The following SULT6B1 variants were observed in gnomAD, a reference collection of about 807,000 sequenced individuals.
SULT6B1 encodes sulfotransferase family 6B member 1.
Under a neutral mutation model 37.2 loss-of-function variants are expected in SULT6B1, and 44 were observed. That is an observed-to-expected ratio of 1.18 (90% confidence interval 0.93 to 1.52). SULT6B1 has a LOEUF of 1.52. SULT6B1 is among the 40% of genes most tolerant of loss of function. SULT6B1 has a pLI of 0.00. For missense variants in SULT6B1, 450 were observed against 361.0 expected, an observed-to-expected ratio of 1.25 and a Z score of -2.00; for synonymous variants, 140 against 126.0, an observed-to-expected ratio of 1.11 and a Z score of -0.74.
intron 2 of SULT6B1, among the ~76,000 whole-genome samples, 193 bp downstream of exon 2, chr2:37,187,162 T>C (rs1676691488): frequency 6.6e-6 from 1 of 152,240 alleles, no homozygotes; most frequent in East Asian, 1.9e-4. Flanking sequence ...TTCTATCTTT[T>C]GTGAAATGGT....
At chr2:37,168,174 G>C (rs527422673) in intron 6 of SULT6B1, 109 bp from the exon 7 acceptor site, 1 of 1,139,384 alleles carries the variant, frequency 8.8e-7, no homozygotes, top group African/African-American at 1.6e-5. Context: ...TGGACACATG[G>C]AAAAAAGCTT....
At chr2:37,188,141 C>G (rs1338555286) in intron 1 of SULT6B1, among the ~76,000 whole-genome samples, 2 of 152,222 alleles carry the variant, frequency 1.3e-5, no homozygotes, top group Non-Finnish European at 2.9e-5. Context: ...TCCTTGCCAA[C>G]TGGACTTTCC....
At position 37,175,159 on chromosome 2, in the gene SULT6B1, C is replaced by T. The variant is rs754526122; in HGVS notation, c.597G>A (p.Lys199=). 3 of 1,555,252 alleles carry T rather than the reference C, an allele frequency of 1.9e-6. No homozygotes were observed. Among genetic ancestry groups the T allele is most frequent in the Non-Finnish European group, 2.6e-6 (3 of 1,148,978 alleles). The change falls in exon 5 of 7, where the codon AAG becomes AAA. Residue 199 remains lysine (K), a synonymous_variant. Transcript: ENST00000535679. ...CTTTCAGGTCTTCATATAATATGAA[C>T]TTAACATTGTCGCCATCAAGATGTT... is the stretch of plus-strand genomic sequence containing the variant. ...WNKHLDGDNV[K]FILYEDLKEN... is the part of the protein sequence containing the mutation.
Position 37,183,471 on chromosome 2 carries a change from A to G in SULT6B1, c.356T>C (p.Leu119Pro). The change falls in exon 3 of 7, where the codon CTC becomes CCC. Residue 119 changes from leucine to proline, a missense_variant. Physicochemically the swap from Leu to Pro is moderately conservative, Grantham distance 98. Coordinates refer to ENST00000535679, the MANE Select transcript of SULT6B1 (RefSeq NM_001367551.1). The stretch of plus-strand genomic sequence containing the variant: ...AGACCCAGGTAATTTGTCATAGTGG[A>G]GGTGAGTTGCCAAAATCCTTGGTGA... ...FPSPRILATH[L>P]HYDKLPGSIF... 1 of 1,614,158 alleles carries G rather than the reference A, an allele frequency of 6.2e-7. No individual in the cohort carries two copies. Among genetic ancestry groups the G allele is most frequent in the Non-Finnish European group, 8.5e-7 (1 of 1,179,996 alleles).
At chr2:37,177,321 A>G (rs1676451134) in intron 4 of SULT6B1, among the ~76,000 whole-genome samples, 1 of 146,780 alleles carries the variant, frequency 6.8e-6, no homozygotes, top group Admixed American at 7.0e-5. Context: ...GCTACTTAGG[A>G]GGCTGAGGAC....
intron 3 of SULT6B1, among the ~76,000 whole-genome samples, chr2:37,182,506 T>A (rs1218695301): frequency 1.3e-5 from 2 of 152,272 alleles, no homozygotes; most frequent in African/African-American, 4.8e-5. Flanking sequence ...ACCTAATATT[T>A]TTTGTAGAGA....
upstream of SULT6B1, among the ~76,000 whole-genome samples, chr2:37,193,332 C>T (rs1044821774): frequency 3.4e-5 from 5 of 148,476 alleles, no homozygotes; most frequent in African/African-American, 5.0e-5. Context: ...TGTGGCGGTG[C>T]GTGCCTGTAG....
intron 3 of SULT6B1, among the ~76,000 whole-genome samples, chr2:37,180,844 A>T (rs1288986081): frequency 6.6e-6 from 1 of 152,158 alleles, no homozygotes; most frequent in African/African-American, 2.4e-5. Flanking sequence ...AGATTGTGCC[A>T]TTTCACTGCA....
chr2:37,192,668 C>A (rs973246449), upstream of SULT6B1, among the ~76,000 whole-genome samples: 3 of 152,190 alleles, frequency 2.0e-5, no homozygotes, highest in Non-Finnish European at 4.4e-5. Context: ...TACAAAAAGT[C>A]TTTGTTTCCC....
intron 1 of SULT6B1, chr2:37,194,605 G>C: frequency 2.8e-6 from 1 of 360,490 alleles, no homozygotes; most frequent in Non-Finnish European, 5.4e-6. Flanking sequence ...ATCTCTTTGA[G>C]TGCCTGAGGG....
At chr2:37,169,956 A>G (rs1484837264) in intron 6 of SULT6B1, among the ~76,000 whole-genome samples, 1 of 152,188 alleles carries the variant, frequency 6.6e-6, no homozygotes, top group East Asian at 1.9e-4. Context: ...GGCAATCCTT[A>G]AGCTATATTA....
At chr2:37,178,183 T>C (rs1676471356) in intron 4 of SULT6B1, among the ~76,000 whole-genome samples, 1 of 152,152 alleles carries the variant, frequency 6.6e-6, no homozygotes, top group Non-Finnish European at 1.5e-5. Context: ...TAGCTGAGAT[T>C]ACAGGCATGA....
At chr2:37,176,746 T>C (rs1386841448) in intron 4 of SULT6B1, among the ~76,000 whole-genome samples, 1 of 152,144 alleles carries the variant, frequency 6.6e-6, no homozygotes, top group African/African-American at 2.4e-5. Flanking sequence ...TATTTGGGTC[T>C]AAGCTGATCA....
At chr2:37,178,334 C>T (rs1676475182) in intron 4 of SULT6B1, among the ~76,000 whole-genome samples, 1 of 152,172 alleles carries the variant, frequency 6.6e-6, no homozygotes, top group African/African-American at 2.4e-5. Context: ...GCCTCCTGTT[C>T]ATGCAAGTCT....
Position 37,179,523 on chromosome 2 carries a change from T to C in SULT6B1, c.464A>G (p.Asp155Gly), listed in dbSNP as rs1178127396. The C allele has an allele frequency of 1.9e-6, 3 of 1,614,026 alleles. No individual in the cohort carries two copies. Among genetic ancestry groups the C allele is most frequent in the Middle Eastern group, 1.6e-4 (1 of 6,062 alleles). Reference sequence around the variant, plus strand: ...GCCATAGCTTGGAATATCGGGGACATCGTTGTGGAAATGCAAAAAAGATAC... The same window carrying C: ...GCCATAGCTTGGAATATCGGGGACACCGTTGTGGAAATGCAAAAAAGATAC... Reference protein sequence around the residue: ...TAVSFLHFHNDVPDIPSYGSW... With the variant: ...TAVSFLHFHNGVPDIPSYGSW... Residue 155 changes from aspartate to glycine, a missense_variant, in exon 4 of 7, where the codon GAT (aspartate) becomes GGT (glycine). Transcript: ENST00000535679.
At position 37,173,027 on chromosome 2, in the gene SULT6B1, ATT is replaced by A. The variant is rs1268747523; in HGVS notation, c.625-1439_625-1438del. 3.3e-5 allele frequency among the ~76,000 whole-genome samples: 5 copies of A among 150,548 alleles called. No homozygotes were observed. In the South Asian group the frequency reaches 1.1e-3, roughly 32 times the overall value. ...ACCACCACACCCAGCTAATTTTTGT[ATT>A]TTTAGTAGAGACGGGGTTTCACTGT... On this transcript the variant is annotated intron_variant, in intron 5 of 6. Coordinates refer to ENST00000535679, the MANE Select transcript of SULT6B1 (RefSeq NM_001367551.1).
At chr2:37,187,547 T>TA in intron 1 of SULT6B1, 80 bp from the exon 2 acceptor site, 1 of 774,526 alleles carries the variant, frequency 1.3e-6, no homozygotes, top group Non-Finnish European at 2.0e-6. Context: ...ATATACATGA[T>TA]AAAAATTAAA....
intron 1 of SULT6B1, among the ~76,000 whole-genome samples, chr2:37,194,991 C>T (rs913581072): frequency 2.0e-5 from 3 of 149,720 alleles, no homozygotes; most frequent in Non-Finnish European, 4.4e-5. Context: ...ACTCTGTCGC[C>T]CAGGCTGGAG....
chr2:37,193,942 T>C (rs1470080967), intron 1 of SULT6B1, among the ~76,000 whole-genome samples: 1 of 152,222 alleles, frequency 6.6e-6, no homozygotes, highest in Non-Finnish European at 1.5e-5. Flanking sequence ...GTCTACACTT[T>C]TCCTGCTCCA....
Sources: allele counts gnomAD v4.1 joint callset (sites outside exome capture counted in the v4.1 genomes callset), GRCh38; gene constraint gnomAD v4.1.1; transcripts MANE v1.5; gene names NCBI Gene and HGNC (gene_info 2026-07-23, HGNC 2026-07-21).